Variants in SLC20A2 observed in about 807,000 individuals in gnomAD.
The protein encoded by SLC20A2 is sodium-dependent phosphate transporter 2.
SLC20A2 carries 30 observed loss-of-function variants against 61.0 expected under a neutral mutation model. The ratio of observed to expected loss-of-function variants is 0.49; its 90% CI spans 0.37 to 0.67. The LOEUF is 0.67. Ranked by LOEUF, SLC20A2 falls within the 30% of genes least tolerant of loss-of-function variation. The probability of loss-of-function intolerance (pLI) is 0.00; values close to 1 mark genes in which losing one functional copy is unlikely to be tolerated. For synonymous variants in SLC20A2, 351 were observed against 353.3 expected (o/e 0.99, Z 0.07); for missense variants, 626 against 866.4 (o/e 0.72, Z 3.48).
chr8:42,446,297 T>A (rs557402003), intron 5 of SLC20A2, among the ~76,000 whole-genome samples: 1 of 152,360 alleles, frequency 6.6e-6, no homozygotes, highest in African/African-American at 2.4e-5. Context: ...CGTCATCTTT[T>A]CATAGCACTG....
intron 5 of SLC20A2, 58 bp downstream of exon 5, chr8:42,459,838 G>T: frequency 1.8e-6 from 2 of 1,114,506 alleles, no homozygotes; most frequent in Non-Finnish European, 2.7e-6. Context: ...CAAATAAACT[G>T]ATACTGTTAG....
intron 8 of SLC20A2, among the ~76,000 whole-genome samples, chr8:42,435,112 G>A (rs1242678933): frequency 6.6e-6 from 1 of 152,044 alleles, no homozygotes; most frequent in Non-Finnish European, 1.5e-5. Flanking sequence ...GACGGTGTGG[G>A]GGCAGACAAA....
At chr8:42,456,178 T>C (rs917583108) in intron 5 of SLC20A2, among the ~76,000 whole-genome samples, 1 of 152,090 alleles carries the variant, frequency 6.6e-6, no homozygotes, top group Admixed American at 6.6e-5. Context: ...AGTCAGACTT[T>C]TATTAAAAAT....
chr8:42,418,521 G>C (rs1585968997), intron 10 of SLC20A2, among the ~76,000 whole-genome samples: 1 of 152,026 alleles, frequency 6.6e-6, no homozygotes, highest in Admixed American at 6.6e-5. Flanking sequence ...TGAGTAGGTG[G>C]GATTACAGGC....
intron 5 of SLC20A2, among the ~76,000 whole-genome samples, chr8:42,452,922 C>T (rs547103032): frequency 2.0e-5 from 3 of 152,282 alleles, no homozygotes; most frequent in South Asian, 2.1e-4. Flanking sequence ...GAGGAAGCCA[C>T]GTTTCTGGTA....
intron 5 of SLC20A2, among the ~76,000 whole-genome samples, chr8:42,456,750 A>AC: frequency 6.7e-6 from 1 of 150,102 alleles, no homozygotes; most frequent in East Asian, 2.0e-4. Flanking sequence ...AAAAAAAAAA[A>AC]AAAAACAAGG....
chr8:42,479,012 TGG>T (rs1421915858), intron 1 of SLC20A2, among the ~76,000 whole-genome samples: 2 of 151,874 alleles, frequency 1.3e-5, no homozygotes, highest in African/African-American at 4.8e-5. Context: ...TTTAAAACAA[TGG>T]CAGCGAGAAG....
intron 1 of SLC20A2, among the ~76,000 whole-genome samples, chr8:42,481,828 G>C (rs912783475): frequency 1.3e-5 from 2 of 152,126 alleles, no homozygotes; most frequent in Non-Finnish European, 2.9e-5. Flanking sequence ...CGGACCCTGA[G>C]GGTTCAGCCT....
At position 42,444,807 on chromosome 8, in the gene SLC20A2, C is replaced by A. The variant is rs770835930; in HGVS notation, c.614-45G>T. 5.0e-5 allele frequency: 73 copies of A among 1,468,458 alleles called. No individual in the cohort carries two copies. In the Middle Eastern group the frequency reaches 4.7e-3, roughly 95 times the overall value. 91.0% of individuals were successfully genotyped at this position (1,468,458 alleles called of 1,614,324 possible). A position where few individuals can be genotyped will look rare whatever the true frequency, so the allele number is the denominator to read the frequency against. On this transcript the variant is annotated intron_variant, in intron 5 of 10. Transcript: ENST00000520262. ...GCAGTGTCATTACTGGAAACTTCTG[C>A]AAGGTCAGGCCTCAGGGCGGTGGAC...
intron 1 of SLC20A2, among the ~76,000 whole-genome samples, chr8:42,507,756 C>T (rs1810793697): frequency 6.6e-6 from 1 of 152,196 alleles, no homozygotes; most frequent in Admixed American, 6.5e-5. Context: ...ATGACACTGT[C>T]CCACGGTCCA....
chr8:42,482,731 C>A (rs551578611), intron 1 of SLC20A2, among the ~76,000 whole-genome samples: 1 of 135,426 alleles, frequency 7.4e-6, no homozygotes, highest in East Asian at 2.2e-4. Context: ...TTAAAAAAAA[C>A]AAAACTGTAT....
chr8:42,468,104 G>A (rs773476570), intron 2 of SLC20A2, among the ~76,000 whole-genome samples: 4 of 151,816 alleles, frequency 2.6e-5, no homozygotes, highest in Non-Finnish European at 4.4e-5. Flanking sequence ...GGGTTTCACC[G>A]CGTCAGCCAA....
At chr8:42,504,852 C>CAAAA (rs771127709), upstream of SLC20A2, among the ~76,000 whole-genome samples, 661 of 16,492 alleles carry the variant, frequency 0.04, 246 homozygotes, top group Admixed American at 0.082. Flanking sequence ...GACTCCGTCT[C>CAAAA]AAAAAAAAAA....
intron 1 of SLC20A2, among the ~76,000 whole-genome samples, chr8:42,489,480 ATG>A (rs1384832595): frequency 1.6e-5 from 2 of 128,904 alleles, no homozygotes; most frequent in Non-Finnish European, 3.1e-5. Flanking sequence ...GTTTCTTTAC[ATG>A]TCTTATAATT....
At chr8:42,456,748 A>C (rs1334370741) in intron 5 of SLC20A2, among the ~76,000 whole-genome samples, 7 of 151,138 alleles carry the variant, frequency 4.6e-5, no homozygotes, top group East Asian at 1.9e-4. Context: ...AAAAAAAAAA[A>C]AAAAAAACAA....
chr8:42,453,081 T>C (rs1332335304), intron 5 of SLC20A2, among the ~76,000 whole-genome samples: 2 of 152,116 alleles, frequency 1.3e-5, no homozygotes, highest in African/African-American at 2.4e-5. Flanking sequence ...CTGCATGCTA[T>C]TGCTGGCCAG....
intron 5 of SLC20A2, among the ~76,000 whole-genome samples, chr8:42,452,905 C>T (rs1805859454): frequency 3.9e-5 from 6 of 152,120 alleles, no homozygotes; most frequent in Admixed American, 3.9e-4. Context: ...TACATTAGAA[C>T]GGTAATGAGG....
At chr8:42,436,520 CCT>C (rs1161967580) in intron 8 of SLC20A2, among the ~76,000 whole-genome samples, 1 of 152,180 alleles carries the variant, frequency 6.6e-6, no homozygotes, top group East Asian at 1.9e-4. Context: ...TCAAATGTGC[CCT>C]GTGTGGCCCC....
At chr8:42,485,261 T>C (rs1468417597) in intron 1 of SLC20A2, among the ~76,000 whole-genome samples, 2 of 151,990 alleles carry the variant, frequency 1.3e-5, no homozygotes, top group African/African-American at 4.8e-5. Flanking sequence ...ATGGACACAA[T>C]GCGTACAAAT....
Sources: gnomAD v4.1 joint callset for allele counts (sites outside exome capture counted in the v4.1 genomes callset) on GRCh38, gnomAD v4.1.1 for gene constraint, MANE v1.5 for transcripts, NCBI Gene and HGNC (gene_info 2026-07-23, HGNC 2026-07-21) for gene names.